SND1: variants seen among roughly 807,000 people sequenced by gnomAD.
The protein encoded by SND1 is staphylococcal nuclease and tudor domain containing 1.
A neutral mutation model predicts 121.7 loss-of-function variants in SND1; 38 were observed. The observed-to-expected ratio is 0.31, with a 90% CI of 0.24 to 0.41. The LOEUF (loss-of-function observed/expected upper bound fraction) is 0.41, where lower values mean the gene tolerates loss of function less well. Ranked by LOEUF, SND1 falls within the 10% of genes least tolerant of loss-of-function variation. The pLI is 1.00. For synonymous variants in SND1, 401 were observed against 447.4 expected (o/e 0.90, Z 1.31); for missense variants, 868 against 1,184.6 (o/e 0.73, Z 3.92).
intron 15 of SND1, among the ~76,000 whole-genome samples, chr7:127,956,257 C>G (rs1419956180): frequency 1.3e-5 from 2 of 152,142 alleles, no homozygotes; most frequent in Non-Finnish European, 2.9e-5. Context: ...GTCTCTGCTC[C>G]CGCCTCCTTG....
intron 16 of SND1, among the ~76,000 whole-genome samples, chr7:128,048,746 G>A (rs1183317695): frequency 1.3e-5 from 2 of 152,178 alleles, no homozygotes; most frequent in South Asian, 2.1e-4. Context: ...GCCACAGGGA[G>A]CTCTCAAGTG....
At chr7:127,830,464 A>G (rs756333533) in intron 11 of SND1, among the ~76,000 whole-genome samples, 3 of 152,176 alleles carry the variant, frequency 2.0e-5, no homozygotes, top group African/African-American at 4.8e-5. Context: ...AAGCCCTTCT[A>G]CAGTGCCAAG....
At chr7:128,078,735 A>G (rs1793548841) in intron 17 of SND1, among the ~76,000 whole-genome samples, 1 of 152,204 alleles carries the variant, frequency 6.6e-6, no homozygotes, top group Non-Finnish European at 1.5e-5. Context: ...TGTGTTCCGA[A>G]TTCATCAACA....
chr7:127,839,493 A>G (rs998240859), intron 11 of SND1, among the ~76,000 whole-genome samples: 3 of 152,110 alleles, frequency 2.0e-5, no homozygotes, highest in Non-Finnish European at 2.9e-5. Flanking sequence ...GCGTTTTGTT[A>G]TCATCAGCAT....
intron 15 of SND1, among the ~76,000 whole-genome samples, chr7:127,962,964 G>C (rs1459428596): frequency 6.6e-6 from 1 of 152,194 alleles, no homozygotes; most frequent in Admixed American, 6.5e-5. Flanking sequence ...TAAAAAACTT[G>C]AGAGTAGAAC....
chr7:128,010,722 A>C (rs1482679013), intron 16 of SND1, among the ~76,000 whole-genome samples: 1 of 152,248 alleles, frequency 6.6e-6, no homozygotes, highest in Non-Finnish European at 1.5e-5. Flanking sequence ...TCCTTGGCTT[A>C]GGCAGTGGGT....
chr7:127,890,531 C>T (rs1436777403), intron 13 of SND1, among the ~76,000 whole-genome samples: 1 of 151,932 alleles, frequency 6.6e-6, no homozygotes, highest in Non-Finnish European at 1.5e-5. Context: ...GTAGCAGGAG[C>T]CCTCAGCAAT....
chr7:127,793,404 G>C (rs1797950168), intron 10 of SND1, among the ~76,000 whole-genome samples: 1 of 152,174 alleles, frequency 6.6e-6, no homozygotes, highest in South Asian at 2.1e-4. Context: ...GCGAGGATTA[G>C]AATTAATATG....
chr7:127,673,731 A>G (rs1217506976), intron 1 of SND1, among the ~76,000 whole-genome samples: 2 of 152,066 alleles, frequency 1.3e-5, no homozygotes, highest in African/African-American at 4.8e-5. Flanking sequence ...CACATTTTTT[A>G]TTCATGTATT....
chr7:127,800,569 G>A (rs183564379), intron 10 of SND1, among the ~76,000 whole-genome samples: 1 of 152,286 alleles, frequency 6.6e-6, no homozygotes, highest in African/African-American at 2.4e-5. Flanking sequence ...GGAGAAATGG[G>A]AAAGGGTGAT....
intron 16 of SND1, among the ~76,000 whole-genome samples, chr7:128,024,256 C>G (rs1288780851): frequency 6.6e-6 from 1 of 152,124 alleles, no homozygotes; most frequent in East Asian, 1.9e-4. Flanking sequence ...TTGCTCTGAG[C>G]CAAAAGCTGC....
chr7:128,014,727 T>C (rs1803189145), intron 16 of SND1, among the ~76,000 whole-genome samples: 1 of 152,146 alleles, frequency 6.6e-6, no homozygotes, highest in Non-Finnish European at 1.5e-5. Flanking sequence ...TGGATCAAGA[T>C]TCAGTTTTGC....
chr7:128,062,885 G>C (rs904559524), intron 16 of SND1, among the ~76,000 whole-genome samples: 4 of 152,182 alleles, frequency 2.6e-5, no homozygotes, highest in Non-Finnish European at 5.9e-5. Context: ...TTCCTCAAAG[G>C]TTTCCTTGTT....
rs531999513 is a variant in SND1 at position 127,771,295 on chromosome 7, A to G, written c.1153-36189A>G. Among the ~76,000 whole-genome samples the G allele has an allele frequency of 2.0e-5, 3 of 152,320 alleles. No homozygotes were observed. The South Asian group carries it at 6.2e-4, about 32-fold the overall frequency. On this transcript the variant is annotated intron_variant, in intron 10 of 23. Coordinates refer to ENST00000354725, the MANE Select transcript of SND1 (RefSeq NM_014390.4). ...TATACTATTGGTTTCCCAAGGGACC[A>G]AATTTAAGGTTTTTGTTTTCCATAG...
At chr7:127,966,974 A>G (rs1801867188) in intron 15 of SND1, among the ~76,000 whole-genome samples, 1 of 152,214 alleles carries the variant, frequency 6.6e-6, no homozygotes, top group South Asian at 2.1e-4. Flanking sequence ...ACGGGGCACT[A>G]GTGGCATTTG....
chr7:127,766,375 G>T (rs1036429845), intron 10 of SND1, among the ~76,000 whole-genome samples: 1 of 152,222 alleles, frequency 6.6e-6, no homozygotes, highest in African/African-American at 2.4e-5. Context: ...CCATAGATCT[G>T]CTGTGATGAT....
chr7:127,714,010 G>A (rs1165499292), intron 9 of SND1, among the ~76,000 whole-genome samples: 2 of 151,946 alleles, frequency 1.3e-5, no homozygotes, highest in Non-Finnish European at 2.9e-5. Flanking sequence ...TGAGCACGTG[G>A]CTTGGCTTCC....
At position 128,052,074 on chromosome 7, in the gene SND1, T is replaced by C. The variant is rs540053206; in HGVS notation, c.1780-22428T>C. On this transcript the variant is annotated intron_variant, in intron 16 of 23. Transcript: ENST00000354725. This position sits in a 1 kb window ranked among gnomAD's most constrained non-coding sequence, Gnocchi z 4.6. ...GGAGATCGAAGTTGATAGACACCGATATCAGAGGTGTAAGGATGACATTTG... is the reference window on the plus strand; with the variant it reads ...GGAGATCGAAGTTGATAGACACCGACATCAGAGGTGTAAGGATGACATTTG... 2.6e-5 allele frequency among the ~76,000 whole-genome samples: 4 copies of C among 152,176 alleles called. No homozygotes were observed. The highest frequency in any genetic ancestry group is 5.9e-5 in the Non-Finnish European group (4 of 68,032).
chr7:127,954,142 A>C (rs1352973508), intron 15 of SND1, among the ~76,000 whole-genome samples: 1 of 152,232 alleles, frequency 6.6e-6, no homozygotes, highest in African/African-American at 2.4e-5. Flanking sequence ...TGAGTCAGGC[A>C]GAACCTGCTT....
Sources: gnomAD v4.1 joint callset for allele counts (sites outside exome capture counted in the v4.1 genomes callset) on GRCh38, gnomAD v4.1.1 for gene constraint, Gnocchi (gnomAD v3.1) non-coding constraint, MANE v1.5 for transcripts, NCBI Gene and HGNC (gene_info 2026-07-23, HGNC 2026-07-21) for gene names.